Variants in XYLT1 observed in about 807,000 individuals in gnomAD.
The protein encoded by XYLT1 is xylosyltransferase 1.
A neutral mutation model predicts 91.3 loss-of-function variants in XYLT1; 36 were observed. The observed-to-expected ratio is 0.39, with a 90% confidence interval of 0.30 to 0.52. XYLT1 has a LOEUF of 0.52. Ranked by LOEUF, XYLT1 falls within the 20% of genes least tolerant of loss-of-function variation. The pLI, the probability that XYLT1 is intolerant of heterozygous loss-of-function variation, is 0.68. For synonymous variants in XYLT1, 588 were observed against 532.0 expected (o/e 1.11, Z -1.45); for missense variants, 1,242 against 1,284.5 (o/e 0.97, Z 0.51).
At chr16:17,137,937 G>C (rs1034159847) in intron 8 of XYLT1, among the ~76,000 whole-genome samples, 2 of 152,156 alleles carry the variant, frequency 1.3e-5, no homozygotes, top group Non-Finnish European at 2.9e-5. Context: ...CAAGAGTTCT[G>C]AGGTTGAAAA....
intron 3 of XYLT1, among the ~76,000 whole-genome samples, chr16:17,246,733 G>A (rs771937369): frequency 7.2e-5 from 11 of 152,204 alleles, no homozygotes; most frequent in Non-Finnish European, 1.2e-4. Context: ...GGGTTCTCGT[G>A]TCCTAGCCCC....
At position 17,197,078 on chromosome 16, in the gene XYLT1, C is replaced by T. The variant is rs948356739; in HGVS notation, c.1289+1134G>A. On this transcript the variant is annotated intron_variant, in intron 5 of 11. Coordinates refer to ENST00000261381, the MANE Select transcript of XYLT1 (RefSeq NM_022166.4). Reference sequence around the variant, plus strand: ...ATCATTCAAAGTATCATGCCAGTGGCTTCCCTCTTGCTTGGACTAACAGCC... The same window carrying T: ...ATCATTCAAAGTATCATGCCAGTGGTTTCCCTCTTGCTTGGACTAACAGCC... Among the ~76,000 whole-genome samples, 7 of 146,794 alleles carry T rather than the reference C, an allele frequency of 4.8e-5. 1 individual carries two copies. Among genetic ancestry groups the T allele is most frequent in the Admixed American group, 4.2e-4 (6 of 14,222 alleles).
chr16:17,459,081 TA>T (rs1465192519), intron 1 of XYLT1, among the ~76,000 whole-genome samples: 1 of 152,082 alleles, frequency 6.6e-6, no homozygotes, highest in Non-Finnish European at 1.5e-5. Flanking sequence ...AGGCAATATT[TA>T]AGAAGTGAGC....
chr16:17,322,757 C>T (rs1175404723), intron 2 of XYLT1, among the ~76,000 whole-genome samples: 1 of 152,198 alleles, frequency 6.6e-6, no homozygotes, highest in Admixed American at 6.5e-5. Flanking sequence ...TCCTAGCTCC[C>T]CTTCATAGCA....
chr16:17,338,956 G>C (rs2035028116), intron 2 of XYLT1, among the ~76,000 whole-genome samples: 1 of 152,168 alleles, frequency 6.6e-6, no homozygotes, highest in Non-Finnish European at 1.5e-5. Flanking sequence ...CATGATCACA[G>C]AACTGATAAC....
intron 3 of XYLT1, among the ~76,000 whole-genome samples, chr16:17,248,793 G>T (rs1190241007): frequency 6.7e-6 from 1 of 148,242 alleles, no homozygotes; most frequent in Non-Finnish European, 1.5e-5. Flanking sequence ...TGTCATCCAG[G>T]CTGGAGTGCA....
At chr16:17,178,381 C>T (rs962865282) in intron 5 of XYLT1, among the ~76,000 whole-genome samples, 2 of 152,118 alleles carry the variant, frequency 1.3e-5, no homozygotes, top group South Asian at 2.1e-4. Context: ...TGGGGATCTC[C>T]ATCACTCATT....
intron 3 of XYLT1, among the ~76,000 whole-genome samples, chr16:17,243,994 C>A (rs1024127268): frequency 1.3e-5 from 2 of 152,262 alleles, no homozygotes; most frequent in East Asian, 3.9e-4. Context: ...GGATGCTGAG[C>A]AGTATCCTTC....
chr16:17,163,464 G>C (rs1373101725), intron 5 of XYLT1, among the ~76,000 whole-genome samples: 1 of 152,188 alleles, frequency 6.6e-6, no homozygotes, highest in Non-Finnish European at 1.5e-5. Context: ...GCTTCCACTA[G>C]GAAGGAGCCC....
At chr16:17,420,829 A>G (rs758466550) in intron 1 of XYLT1, among the ~76,000 whole-genome samples, 2 of 152,024 alleles carry the variant, frequency 1.3e-5, no homozygotes, top group Admixed American at 1.3e-4. Flanking sequence ...CAAAAACATC[A>G]CCTTACTGTC....
chr16:17,422,482 C>T (rs915765785), intron 1 of XYLT1, among the ~76,000 whole-genome samples: 1 of 151,900 alleles, frequency 6.6e-6, no homozygotes, highest in South Asian at 2.1e-4. Flanking sequence ...TACAGGTATG[C>T]ACCACTGTGC....
At chr16:17,291,102 C>CT (rs919420889) in intron 2 of XYLT1, among the ~76,000 whole-genome samples, 2 of 152,034 alleles carry the variant, frequency 1.3e-5, no homozygotes, top group Admixed American at 1.3e-4. Flanking sequence ...ACCTGGTTAA[C>CT]TTTTTTTTGG....
chr16:17,235,047 G>T (rs2033225819), intron 3 of XYLT1, among the ~76,000 whole-genome samples: 1 of 151,710 alleles, frequency 6.6e-6, no homozygotes, highest in African/African-American at 2.4e-5. Flanking sequence ...ATGAGAAAAT[G>T]GGAAAACTTC....
At chr16:17,205,337 T>A (rs1158517707) in intron 3 of XYLT1, among the ~76,000 whole-genome samples, 1 of 152,198 alleles carries the variant, frequency 6.6e-6, no homozygotes, top group Non-Finnish European at 1.5e-5. Context: ...TGTTCCACTG[T>A]TGTGGTGCTG....
chr16:17,354,769 G>C (rs73523099), intron 2 of XYLT1: 13,253 of 152,246 alleles, frequency 0.087, 702 homozygotes, highest in African/African-American at 0.15. Context: ...GGTAACATTT[G>C]AGGCACTACT....
intron 3 of XYLT1, among the ~76,000 whole-genome samples, chr16:17,204,664 T>C (rs939272619): frequency 6.6e-6 from 1 of 152,150 alleles, no homozygotes; most frequent in African/African-American, 2.4e-5. Context: ...CTATCAAAAC[T>C]GCTATGAAAA....
At chr16:17,236,851 G>A (rs1373674207) in intron 3 of XYLT1, among the ~76,000 whole-genome samples, 1 of 152,012 alleles carries the variant, frequency 6.6e-6, no homozygotes, top group East Asian at 1.9e-4. Flanking sequence ...GTTGGATTAG[G>A]GCACGCTCTA....
chr16:17,456,510 T>C (rs2036745399), intron 1 of XYLT1, among the ~76,000 whole-genome samples: 1 of 151,730 alleles, frequency 6.6e-6, no homozygotes, highest in Non-Finnish European at 1.5e-5. Flanking sequence ...TGATTGATTG[T>C]TTTATGTTTT....
intron 1 of XYLT1, among the ~76,000 whole-genome samples, chr16:17,461,543 C>G (rs912897119): frequency 6.6e-6 from 1 of 151,842 alleles, no homozygotes; most frequent in Non-Finnish European, 1.5e-5. Flanking sequence ...ATGAATGGAT[C>G]GATGGGTAAA....
Sources: gnomAD v4.1 joint callset for allele counts (sites outside exome capture counted in the v4.1 genomes callset) on GRCh38, gnomAD v4.1.1 for gene constraint, MANE v1.5 for transcripts, NCBI Gene and HGNC (gene_info 2026-07-23, HGNC 2026-07-21) for gene names.